SLC35F3: variants seen among roughly 807,000 people sequenced by gnomAD.
The protein encoded by SLC35F3 is putative thiamine transporter SLC35F3.
A neutral mutation model predicts 49.9 loss-of-function variants in SLC35F3; 25 were observed. The observed-to-expected ratio is 0.50, with a 90% confidence interval of 0.37 to 0.70. The LOEUF (loss-of-function observed/expected upper bound fraction) is 0.70, where lower values mean the gene tolerates loss of function less well. Among genes scored for constraint, SLC35F3 ranks in the 30% least tolerant of loss-of-function variants. The pLI, the probability that SLC35F3 is intolerant of heterozygous loss-of-function variation, is 0.00. For synonymous variants in SLC35F3, 275 were observed against 265.4 expected (o/e 1.04, Z -0.35); for missense variants, 525 against 639.8 (o/e 0.82, Z 1.94).
intron 3 of SLC35F3, among the ~76,000 whole-genome samples, chr1:234,242,804 T>C (rs898607198): frequency 6.6e-6 from 1 of 152,272 alleles, no homozygotes; most frequent in Non-Finnish European, 1.5e-5. Context: ...CTCAATCATA[T>C]ATACTTTATT....
intron 2 of SLC35F3, among the ~76,000 whole-genome samples, chr1:234,208,670 G>A (rs1180815767): frequency 1.3e-5 from 2 of 152,112 alleles, no homozygotes; most frequent in Non-Finnish European, 2.9e-5. Context: ...AGGAGGCAGG[G>A]AGTATAAAAC....
intron 3 of SLC35F3, among the ~76,000 whole-genome samples, chr1:234,236,925 T>TATATATATATA (rs1491285612): frequency 3.1e-5 from 3 of 96,286 alleles, no homozygotes; most frequent in African/African-American, 1.2e-4. Flanking sequence ...AAAAAAAAAA[T>TATATATATATA]TATATATATA....
At chr1:234,282,159 A>G (rs1668338679) in intron 3 of SLC35F3, among the ~76,000 whole-genome samples, 1 of 152,200 alleles carries the variant, frequency 6.6e-6, no homozygotes, top group Admixed American at 6.5e-5. Flanking sequence ...AGAAATAGCC[A>G]TAATCCTTCG....
chr1:234,000,222 G>C (rs1323181437), intron 2 of SLC35F3, among the ~76,000 whole-genome samples: 1 of 152,150 alleles, frequency 6.6e-6, no homozygotes, highest in Non-Finnish European at 1.5e-5. Context: ...GTGAAAAACA[G>C]CTCCCTATTC....
At chr1:234,271,187 G>T (rs927637409) in intron 3 of SLC35F3, among the ~76,000 whole-genome samples, 21 of 152,204 alleles carry the variant, frequency 1.4e-4, no homozygotes, top group Non-Finnish European at 2.9e-5. Flanking sequence ...TGGGAAATAT[G>T]AGTCAGTCGA....
chr1:234,024,734 T>C (rs1204858646), intron 2 of SLC35F3, among the ~76,000 whole-genome samples: 1 of 152,198 alleles, frequency 6.6e-6, no homozygotes, highest in Non-Finnish European at 1.5e-5. Flanking sequence ...ATTTCCTTCA[T>C]GAGCAACGAA....
chr1:234,052,972 T>C (rs140440795), intron 2 of SLC35F3, among the ~76,000 whole-genome samples: 1,679 of 152,338 alleles, frequency 0.011, 24 homozygotes, highest in African/African-American at 0.037. Flanking sequence ...TAATCCTGAG[T>C]TCTAGTTTGA....
intron 2 of SLC35F3, among the ~76,000 whole-genome samples, chr1:234,176,333 G>T (rs1195127655): frequency 6.6e-6 from 1 of 152,180 alleles, no homozygotes; most frequent in African/African-American, 2.4e-5. Flanking sequence ...GCTGCTCAAA[G>T]AGAAAGCTGC....
intron 3 of SLC35F3, among the ~76,000 whole-genome samples, chr1:234,252,047 T>C (rs191569416): frequency 3.9e-5 from 6 of 152,080 alleles, no homozygotes; most frequent in African/African-American, 1.4e-4. Context: ...TTAGAAGTTA[T>C]CAAAGAAAAG....
chr1:234,208,320 C>A (rs1470179489), intron 2 of SLC35F3, among the ~76,000 whole-genome samples: 2 of 152,170 alleles, frequency 1.3e-5, no homozygotes, highest in Non-Finnish European at 2.9e-5. Flanking sequence ...AATGAATAGA[C>A]CAGAGGCCCC....
chr1:234,078,622 T>C (rs1440158593), intron 2 of SLC35F3, among the ~76,000 whole-genome samples: 1 of 152,230 alleles, frequency 6.6e-6, no homozygotes, highest in Non-Finnish European at 1.5e-5. Context: ...GCAGGCCCTT[T>C]CTTCTGTATC....
intron 2 of SLC35F3, among the ~76,000 whole-genome samples, chr1:233,993,457 A>G (rs1029977942): frequency 6.6e-6 from 1 of 152,218 alleles, no homozygotes; most frequent in Non-Finnish European, 1.5e-5. Flanking sequence ...TTTCTTTATG[A>G]TAGATTCATC....
chr1:233,966,800 G>A (rs2102814956), intron 2 of SLC35F3, among the ~76,000 whole-genome samples: 1 of 152,298 alleles, frequency 6.6e-6, no homozygotes, highest in African/African-American at 2.4e-5. Flanking sequence ...GGTGGTTCTA[G>A]GAGTCTAATT....
intron 2 of SLC35F3, among the ~76,000 whole-genome samples, chr1:234,005,184 C>T (rs1663611162): frequency 2.0e-5 from 3 of 152,080 alleles, no homozygotes; most frequent in African/African-American, 7.2e-5. Context: ...TAACCTAAAC[C>T]CTAGATGACA....
chr1:234,179,219 T>G (rs1490096864), intron 2 of SLC35F3, among the ~76,000 whole-genome samples: 1 of 152,160 alleles, frequency 6.6e-6, no homozygotes, highest in East Asian at 1.9e-4. Flanking sequence ...GAACAGAGAA[T>G]TTTAGGGAAT....
intron 3 of SLC35F3, among the ~76,000 whole-genome samples, chr1:234,245,688 G>C (rs567004717): frequency 6.6e-6 from 1 of 152,214 alleles, no homozygotes; most frequent in Non-Finnish European, 1.5e-5. Context: ...CACATCTGTT[G>C]TCTTCCTCCA....
intron 2 of SLC35F3, among the ~76,000 whole-genome samples, chr1:234,087,473 A>G (rs1664978082): frequency 6.6e-6 from 1 of 152,304 alleles, no homozygotes; most frequent in African/African-American, 2.4e-5. Context: ...GTTCTGCCTA[A>G]CGACACCCAA....
rs1490716239 is a variant in SLC35F3 at position 233,904,695 on chromosome 1, C to A, written c.-383C>A. Among the ~76,000 whole-genome samples the A allele has an allele frequency of 1.3e-5, 2 of 151,868 alleles. No individual in the cohort carries two copies. Among genetic ancestry groups the A allele is most frequent in the South Asian group, 2.1e-4 (1 of 4,838 alleles). On this transcript the variant is annotated 5_prime_UTR_variant, in exon 1 of 8. Coordinates refer to ENST00000366618, the MANE Select transcript of SLC35F3 (RefSeq NM_173508.4). The stretch of plus-strand genomic sequence containing the variant: ...CGCCCCGACCCGACGCCTCCCCGCC[C>A]GACCAGGTGCCTCGAGAGCGCACAG...
At chr1:233,954,255 C>A (rs1369479651) in intron 2 of SLC35F3, among the ~76,000 whole-genome samples, 1 of 152,188 alleles carries the variant, frequency 6.6e-6, no homozygotes, top group Non-Finnish European at 1.5e-5. Context: ...ATCCGCCCAC[C>A]TTGCCCTCCC....
Sources: allele counts gnomAD v4.1 joint callset (sites outside exome capture counted in the v4.1 genomes callset), GRCh38; gene constraint gnomAD v4.1.1; transcripts MANE v1.5; gene names NCBI Gene and HGNC (gene_info 2026-07-23, HGNC 2026-07-21).